Variants in LRP1B observed in about 807,000 individuals in gnomAD.
The protein encoded by LRP1B is LDL receptor related protein 1B, also known as low-density lipoprotein receptor-related protein 1B.
LRP1B carries 217 observed loss-of-function variants against 556.6 expected under a neutral mutation model. The observed-to-expected ratio is 0.39, with a 90% CI of 0.35 to 0.44. LRP1B has a LOEUF of 0.44. LRP1B is among the 20% of genes least tolerant of loss of function. The probability of loss-of-function intolerance (pLI) is 1.00; values close to 1 mark genes in which losing one functional copy is unlikely to be tolerated. For missense variants in LRP1B, 5,053 were observed against 5,620.8 expected, an observed-to-expected ratio of 0.90 and a Z score of 3.23; for synonymous variants, 2,047 against 1,865.8, an observed-to-expected ratio of 1.10 and a Z score of -2.50.
chr2:141,054,476 T>A (rs1397831974), intron 10 of LRP1B, among the ~76,000 whole-genome samples: 2 of 152,068 alleles, frequency 1.3e-5, no homozygotes, highest in African/African-American at 4.8e-5. Context: ...GAAAGTCATT[T>A]TTAAAATCCT....
rs1261537245 is a variant in LRP1B, at chr2:140,594,073, G to T, written c.7194+4558C>A. Among the ~76,000 whole-genome samples, 4 of 152,092 alleles carry T rather than the reference G, an allele frequency of 2.6e-5. No individual in the cohort carries two copies. In the East Asian group the frequency reaches 7.8e-4, roughly 30 times the overall value. Reference sequence around the variant, plus strand: ...GCTTACTGCAACCTCCACCTCCTGGGTTCAAGCGATTCTCCTGCCTCAGCC... The same window carrying T: ...GCTTACTGCAACCTCCACCTCCTGGTTTCAAGCGATTCTCCTGCCTCAGCC... On this transcript the variant is annotated intron_variant, in intron 43 of 90. Transcript: ENST00000389484.
intron 3 of LRP1B, among the ~76,000 whole-genome samples, chr2:141,480,177 G>A (rs1682866892): frequency 6.6e-6 from 1 of 151,608 alleles, no homozygotes; most frequent in Non-Finnish European, 1.5e-5. Flanking sequence ...GTGTGTGTGT[G>A]TGTGTGTGTG....
At chr2:141,139,979 G>A (rs1701602530) in intron 7 of LRP1B, among the ~76,000 whole-genome samples, 2 of 151,844 alleles carry the variant, frequency 1.3e-5, no homozygotes, top group African/African-American at 4.8e-5. Context: ...ACAAACTGTG[G>A]TATATATGTA....
At chr2:140,477,754 A>C (rs1003527300) in intron 59 of LRP1B, among the ~76,000 whole-genome samples, 1 of 152,194 alleles carries the variant, frequency 6.6e-6, no homozygotes, top group Non-Finnish European at 1.5e-5. Flanking sequence ...TATTATTTTC[A>C]TGAAGTCCAA....
intron 41 of LRP1B, chr2:140,683,669 C>A: frequency 1.4e-6 from 1 of 701,892 alleles, no homozygotes; most frequent in Non-Finnish European, 2.6e-6. Flanking sequence ...TACAGCAAAT[C>A]TTCAGAATGG....
intron 82 of LRP1B, among the ~76,000 whole-genome samples, chr2:140,318,496 T>C (rs1005959776): frequency 1.3e-5 from 2 of 152,168 alleles, no homozygotes; most frequent in African/African-American, 4.8e-5. Flanking sequence ...ATTTGGTGAC[T>C]TAATGCAGCC....
At chr2:142,065,861 T>G (rs1009288588) in intron 1 of LRP1B, among the ~76,000 whole-genome samples, 3 of 151,338 alleles carry the variant, frequency 2.0e-5, no homozygotes, top group African/African-American at 7.3e-5. Flanking sequence ...TTGAAATCAT[T>G]GAAAAGTCTC....
intron 31 of LRP1B, among the ~76,000 whole-genome samples, chr2:140,834,157 C>T (rs1007673535): frequency 6.6e-6 from 1 of 152,154 alleles, no homozygotes; most frequent in Non-Finnish European, 1.5e-5. Context: ...TATAATGATC[C>T]TTACTCAATC....
chr2:141,620,894 A>C (rs574683866), intron 2 of LRP1B, among the ~76,000 whole-genome samples: 1 of 152,136 alleles, frequency 6.6e-6, no homozygotes, highest in South Asian at 2.1e-4. Context: ...ACATTGGCAG[A>C]AACCCAAACT....
At chr2:141,905,539 GT>G (rs2104941661) in intron 1 of LRP1B, among the ~76,000 whole-genome samples, 1 of 151,664 alleles carries the variant, frequency 6.6e-6, no homozygotes, top group South Asian at 2.1e-4. Flanking sequence ...TCAAGTGATG[GT>G]TCTAACAAAC....
chr2:140,488,841 T>C lies in LRP1B; in HGVS notation c.9121-1102A>G, dbSNP rs565808408. Among the ~76,000 whole-genome samples the C allele has an allele frequency of 8.5e-5, 13 of 152,070 alleles. No homozygotes were observed. In the East Asian group the frequency reaches 1.2e-3, roughly 14 times the overall value. On this transcript the variant is annotated intron_variant, in intron 57 of 90. Coordinates refer to ENST00000389484, the MANE Select transcript of LRP1B (RefSeq NM_018557.3). ...AAATGTATGAGTAGCTGTAGTCTTA[T>C]GGGTAGAGACAAGCATCTTCAGAGA...
intron 2 of LRP1B, among the ~76,000 whole-genome samples, chr2:141,550,106 C>T (rs994594531): frequency 4.6e-5 from 7 of 152,194 alleles, no homozygotes; most frequent in African/African-American, 1.7e-4. Flanking sequence ...TTATGTTTGG[C>T]TTCAATTGAA....
chr2:142,125,643 C>T (rs1335525408), intron 1 of LRP1B, among the ~76,000 whole-genome samples: 3 of 151,742 alleles, frequency 2.0e-5, no homozygotes, highest in Non-Finnish European at 3.0e-5. Flanking sequence ...GTTCCCAAGG[C>T]CTATAGACTA....
chr2:141,766,038 T>A (rs774110887), intron 2 of LRP1B, among the ~76,000 whole-genome samples: 1 of 152,204 alleles, frequency 6.6e-6, no homozygotes, highest in Non-Finnish European at 1.5e-5. Flanking sequence ...TCCTCTCCAT[T>A]TCTATACCAT....
chr2:141,972,409 C>A (rs1460149298), intron 1 of LRP1B, among the ~76,000 whole-genome samples: 1 of 151,424 alleles, frequency 6.6e-6, no homozygotes, highest in Non-Finnish European at 1.5e-5. Flanking sequence ...ACATACTCTT[C>A]TTTTTTTAAT....
At chr2:141,562,171 G>A (rs1301623372) in intron 2 of LRP1B, among the ~76,000 whole-genome samples, 3 of 151,956 alleles carry the variant, frequency 2.0e-5, no homozygotes, top group African/African-American at 7.2e-5. Flanking sequence ...TATAATGGAG[G>A]CTGAGAAGTC....
intron 1 of LRP1B, among the ~76,000 whole-genome samples, chr2:141,969,924 CCA>C (rs1701681396): frequency 6.7e-6 from 1 of 150,206 alleles, no homozygotes; most frequent in South Asian, 2.1e-4. Context: ...CTTTTTTTTT[CCA>C]CACTCTTGCC....
chr2:141,251,042 G>T (rs1001788738), intron 4 of LRP1B, among the ~76,000 whole-genome samples: 1 of 152,158 alleles, frequency 6.6e-6, no homozygotes. Context: ...TGTTTGCATG[G>T]ATTTTATAAT....
At chr2:140,817,863 A>G (rs1053080452) in intron 31 of LRP1B, among the ~76,000 whole-genome samples, 1 of 152,158 alleles carries the variant, frequency 6.6e-6, no homozygotes, top group Admixed American at 6.5e-5. Context: ...TCCATCACTT[A>G]GCAAATTTAA....
Sources: gnomAD v4.1 joint callset for allele counts (sites outside exome capture counted in the v4.1 genomes callset) on GRCh38, gnomAD v4.1.1 for gene constraint, MANE v1.5 for transcripts, NCBI Gene and HGNC (gene_info 2026-07-23, HGNC 2026-07-21) for gene names.